PTPRN2: variants seen among roughly 807,000 people sequenced by gnomAD.
PTPRN2 encodes the protein protein tyrosine phosphatase receptor type N2, also known as receptor-type tyrosine-protein phosphatase N2.
In PTPRN2, 74 loss-of-function variants were observed where a neutral mutation model predicts 118.8. The ratio of observed to expected loss-of-function variants is 0.62; its 90% CI spans 0.52 to 0.76. The LOEUF (loss-of-function observed/expected upper bound fraction) is 0.76, where lower values mean the gene tolerates loss of function less well. Ranked by LOEUF, PTPRN2 falls within the 30% of genes least tolerant of loss-of-function variation. The pLI, the probability that PTPRN2 is intolerant of heterozygous loss-of-function variation, is 0.00. For synonymous variants in PTPRN2, 641 were observed against 608.0 expected (o/e 1.05, Z -0.80); for missense variants, 1,481 against 1,394.4 (o/e 1.06, Z -0.99).
chr7:158,011,240 G>T (rs546306083), intron 11 of PTPRN2, among the ~76,000 whole-genome samples: 1 of 152,168 alleles, frequency 6.6e-6, no homozygotes, highest in African/African-American at 2.4e-5. Flanking sequence ...ACATCAGCCC[G>T]TCTTCTCACA....
At chr7:158,277,766 C>T (rs193233926) in intron 3 of PTPRN2, among the ~76,000 whole-genome samples, 22 of 152,318 alleles carry the variant, frequency 1.4e-4, no homozygotes, top group Admixed American at 1.3e-3. Flanking sequence ...GGTCAGGCCA[C>T]CCTGGGAAAG....
chr7:157,691,080 C>CA (rs1478015149), intron 12 of PTPRN2, among the ~76,000 whole-genome samples: 10 of 124,864 alleles, frequency 8.0e-5, no homozygotes, highest in Non-Finnish European at 1.5e-4. Context: ...CCCCCCCCCC[C>CA]CACATGTTGC....
At position 158,544,291 on chromosome 7, in the gene PTPRN2, G is replaced by C. The variant is rs1464838587; in HGVS notation, c.112+43267C>G. On this transcript the variant is annotated intron_variant, in intron 1 of 22. Coordinates refer to ENST00000389418, the MANE Select transcript of PTPRN2 (RefSeq NM_002847.5). This position sits in a 1 kb window ranked among gnomAD's most constrained non-coding sequence, Gnocchi z 4.2. ...CCAGCCCACAGGCCACGGCCCACGA[G>C]ATGGCTCTGAATGTGGCCCAACACA... is the stretch of plus-strand genomic sequence containing the variant. Among the ~76,000 whole-genome samples the C allele has an allele frequency of 6.6e-6, 1 of 152,006 alleles. No individual in the cohort carries two copies. The highest frequency in any genetic ancestry group is 1.5e-5 in the Non-Finnish European group (1 of 68,004).
chr7:157,738,866 C>A (rs1472177966), intron 12 of PTPRN2: 4 of 152,130 alleles, frequency 2.6e-5, no homozygotes, highest in Non-Finnish European at 4.4e-5. Context: ...GTCCCACCAG[C>A]CACCCACACA....
intron 1 of PTPRN2, among the ~76,000 whole-genome samples, chr7:158,550,537 G>A (rs891360304): frequency 3.9e-5 from 6 of 152,208 alleles, no homozygotes; most frequent in East Asian, 1.9e-4. Flanking sequence ...GGCCACCCAC[G>A]GAGTCTAACT....
At chr7:158,518,070 C>G (rs936556791) in intron 1 of PTPRN2, among the ~76,000 whole-genome samples, 3 of 152,202 alleles carry the variant, frequency 2.0e-5, no homozygotes, top group Non-Finnish European at 2.9e-5. Context: ...TACTTAAGAA[C>G]TTGCTCCTCC....
In PTPRN2 at chr7:157,801,852, C is replaced by T. The variant is rs58825753; in HGVS notation, c.1788+96821G>A. The stretch of plus-strand genomic sequence containing the variant: ...CTCCCCCAAAACACACGTGGCTTAT[C>T]AGAAACCTGCAGGAAAACAACACAG... On this transcript the variant is annotated intron_variant, in intron 12 of 22. Transcript: ENST00000389418. The surrounding 1 kb of genome is among the most constrained non-coding windows in gnomAD (Gnocchi z 4.2). 0.022 allele frequency among the ~76,000 whole-genome samples: 3,376 copies of T among 152,264 alleles called. 119 individuals are homozygous for T. Among genetic ancestry groups the T allele is most frequent in the African/African-American group, 0.078 (3,254 of 41,546 alleles).
intron 11 of PTPRN2, among the ~76,000 whole-genome samples, chr7:158,076,144 T>C (rs2128926222): frequency 6.6e-6 from 1 of 152,354 alleles, no homozygotes; most frequent in East Asian, 1.9e-4. Context: ...TTTGAACATT[T>C]CCAAAGCATC....
rs940922481 is a variant in PTPRN2, at chr7:157,987,672, G to A, written c.1724-88935C>T. ...GTTGGAATACAGGTTCCTCGGGCCTGTCCTAAATGCTATCAGTCTTTCTCT... is the reference window on the plus strand; with the variant it reads ...GTTGGAATACAGGTTCCTCGGGCCTATCCTAAATGCTATCAGTCTTTCTCT... On this transcript the variant is annotated intron_variant, in intron 11 of 22. Coordinates refer to ENST00000389418, the MANE Select transcript of PTPRN2 (RefSeq NM_002847.5). This position sits in a 1 kb window ranked among gnomAD's most constrained non-coding sequence, Gnocchi z 4.3. Among the ~76,000 whole-genome samples, 1 of 152,180 alleles carries A rather than the reference G, an allele frequency of 6.6e-6. No individual in the cohort carries two copies. Among genetic ancestry groups the A allele is most frequent in the Non-Finnish European group, 1.5e-5 (1 of 68,032 alleles).
intron 2 of PTPRN2, among the ~76,000 whole-genome samples, chr7:158,446,928 GCATCCGTCACTTTCGAGGGTCAT>G (rs1003621413): frequency 6.6e-6 from 1 of 152,120 alleles, no homozygotes; most frequent in Non-Finnish European, 1.5e-5. Flanking sequence ...CGGCCTCACG[GCATCCGTCACTTTCGAGGGTCAT>G]CACAATATGA....
At position 158,509,615 on chromosome 7, in the gene PTPRN2, G is replaced by C. The variant is rs1393778916; in HGVS notation, c.113-19830C>G. 6.6e-6 allele frequency among the ~76,000 whole-genome samples: 1 copy of C among 152,256 alleles called. No homozygotes were observed. The highest frequency in any genetic ancestry group is 1.5e-5 in the Non-Finnish European group (1 of 68,050). On this transcript the variant is annotated intron_variant, in intron 1 of 22. Coordinates refer to ENST00000389418, the MANE Select transcript of PTPRN2 (RefSeq NM_002847.5). The surrounding 1 kb of genome is among the most constrained non-coding windows in gnomAD (Gnocchi z 4.4). ...AGTCACCCCAAAGCCCATCTGCTTTGTTCCGGGATCCCCCAGCCTCATTTC... is the reference window on the plus strand; with the variant it reads ...AGTCACCCCAAAGCCCATCTGCTTTCTTCCGGGATCCCCCAGCCTCATTTC...
intron 12 of PTPRN2, among the ~76,000 whole-genome samples, chr7:157,877,356 G>A (rs375728485): frequency 4.7e-5 from 7 of 149,266 alleles, no homozygotes; most frequent in Admixed American, 3.3e-4. Context: ...CCCCGGGTCC[G>A]AGTGCCACAC....
intron 10 of PTPRN2, among the ~76,000 whole-genome samples, chr7:158,102,222 C>A (rs915440355): frequency 6.6e-6 from 1 of 152,206 alleles, no homozygotes; most frequent in African/African-American, 2.4e-5. Flanking sequence ...AGCCCCTGTG[C>A]GCCTGAGCCA....
intron 12 of PTPRN2, among the ~76,000 whole-genome samples, chr7:157,812,504 T>G (rs1185074136): frequency 6.6e-6 from 1 of 152,192 alleles, no homozygotes; most frequent in Non-Finnish European, 1.5e-5. Flanking sequence ...CAACACTCCC[T>G]GTGCATAGGG....
intron 3 of PTPRN2, among the ~76,000 whole-genome samples, chr7:158,309,839 G>C (rs564451704): frequency 5.3e-5 from 8 of 152,316 alleles, no homozygotes; most frequent in African/African-American, 1.9e-4. Context: ...GTACGTGCTG[G>C]AATTCTGATC....
At chr7:158,488,128 A>G (rs1052108337) in intron 2 of PTPRN2, among the ~76,000 whole-genome samples, 6 of 152,172 alleles carry the variant, frequency 3.9e-5, no homozygotes, top group South Asian at 2.1e-4. Flanking sequence ...TACGGCTCCA[A>G]TTAAATTAAA....
intron 1 of PTPRN2, among the ~76,000 whole-genome samples, chr7:158,491,203 G>C (rs1287499131): frequency 6.6e-6 from 1 of 152,242 alleles, no homozygotes; most frequent in African/African-American, 2.4e-5. Context: ...AACGCTGGGA[G>C]TTCACAGGAG....
At position 158,262,950 on chromosome 7, in the gene PTPRN2, A is replaced by T. The variant is rs540977422; in HGVS notation, c.277+53869T>A. On this transcript the variant is annotated intron_variant, in intron 3 of 22. Coordinates refer to ENST00000389418, the MANE Select transcript of PTPRN2 (RefSeq NM_002847.5). ...TCACACACTGCACACACACATTCACACACATACACACATTCACACACTGCA... is the reference window on the plus strand; with the variant it reads ...TCACACACTGCACACACACATTCACTCACATACACACATTCACACACTGCA... Among the ~76,000 whole-genome samples the T allele has an allele frequency of 1.0e-4, 15 of 146,326 alleles. 1 individual carries two copies. The highest frequency in any genetic ancestry group is 3.7e-4 in the African/African-American group (14 of 38,240).
chr7:157,706,923 G>C (rs957600968), intron 12 of PTPRN2, among the ~76,000 whole-genome samples: 2 of 151,402 alleles, frequency 1.3e-5, no homozygotes, highest in Admixed American at 1.3e-4. Flanking sequence ...GCCGGGAACT[G>C]AGCAAATCTG....
Sources: gnomAD v4.1 joint callset for allele counts (sites outside exome capture counted in the v4.1 genomes callset) on GRCh38, gnomAD v4.1.1 for gene constraint, Gnocchi (gnomAD v3.1) non-coding constraint, MANE v1.5 for transcripts, NCBI Gene and HGNC (gene_info 2026-07-23, HGNC 2026-07-21) for gene names.